Variants in CYP46A1 observed in about 807,000 individuals in gnomAD.
CYP46A1 encodes cytochrome P450 family 46 subfamily A member 1.
In CYP46A1, 20 loss-of-function variants were observed where a neutral mutation model predicts 63.3. The ratio of observed to expected loss-of-function variants is 0.32; its 90% confidence interval spans 0.22 to 0.46. The LOEUF (loss-of-function observed/expected upper bound fraction) is 0.46, where lower values mean the gene tolerates loss of function less well. Ranked by LOEUF, CYP46A1 falls within the 20% of genes least tolerant of loss-of-function variation. The pLI, the probability that CYP46A1 is intolerant of heterozygous loss-of-function variation, is 1.00. For missense variants in CYP46A1, 445 were observed against 670.8 expected, an observed-to-expected ratio of 0.66 and a Z score of 3.72; for synonymous variants, 268 against 273.6, an observed-to-expected ratio of 0.98 and a Z score of 0.20.
chr14:99,717,802 C>G (rs889314307), intron 9 of CYP46A1: 16 of 452,674 alleles, frequency 3.5e-5, no homozygotes, highest in Non-Finnish European at 5.9e-5. Context: ...GTGTCCCCCC[C>G]ACTCTCCCTG....
rs1555384079 is a variant in CYP46A1, at chr14:99,722,678, T to TGC, written c.1176+613_1176+614dup. On this transcript the variant is annotated intron_variant, in intron 12 of 14. Coordinates refer to ENST00000261835, the MANE Select transcript of CYP46A1 (RefSeq NM_006668.2). The surrounding 1 kb of genome is among the most constrained non-coding windows in gnomAD (Gnocchi z 4.6). ...GTGTGTGTGTGTGTGTGTGTGTGTG[T>TGC]GCCTGTGTGCATTCACGCAGTAATA... Among the ~76,000 whole-genome samples the TGC allele has an allele frequency of 1.1e-4, 16 of 150,026 alleles. No homozygotes were observed. The highest frequency in any genetic ancestry group is 3.7e-4 in the African/African-American group (15 of 40,020).
rs1331594474 is a variant in CYP46A1, at chr14:99,707,605, C to T, written c.620C>T (p.Ala207Val). ...ATGGAGACCAGTATGCTGCTGGGTG[C>T]CCAGAAGCCTCTGTCCCAGGCAGTG... ...FGMETSMLLG[A>V]QKPLSQAVKL... The change falls in exon 7 of 15, where the codon GCC becomes GTC. Residue 207 changes from alanine (A) to valine (V), a missense_variant. This residue lies in a region of CYP46A1 where 252 missense variants were observed against 383.3 expected (regional missense o/e 0.66). Coordinates refer to ENST00000261835, the MANE Select transcript of CYP46A1 (RefSeq NM_006668.2). 9 of 1,614,112 alleles carry T rather than the reference C, an allele frequency of 5.6e-6. No homozygotes were observed. In the South Asian group the frequency reaches 8.8e-5, roughly 16 times the overall value.
rs766241155 is a variant in CYP46A1, at chr14:99,691,164, G to A, written c.200+3G>A. On this transcript the variant is annotated splice_donor_region_variant and intron_variant, in intron 2 of 14. Transcript: ENST00000261835. ...CTCCAAGATGTGTTTTTGGATTGGT[G>A]GGTTCTCATTTGTCACTTGTTGCCC... 1.9e-6 allele frequency: 3 copies of A among 1,614,006 alleles called. No individual in the cohort carries two copies. Among genetic ancestry groups the A allele is most frequent in the African/African-American group, 2.7e-5 (2 of 74,894 alleles).
chr14:99,704,040 A>G (rs1464832050), intron 5 of CYP46A1, among the ~76,000 whole-genome samples: 1 of 152,218 alleles, frequency 6.6e-6, no homozygotes, highest in Non-Finnish European at 1.5e-5. Flanking sequence ...CATGATCATG[A>G]CATAACCATG....
Position 99,726,717 on chromosome 14 carries a change from C to T in CYP46A1, c.1493C>T (p.Pro498Leu), listed in dbSNP as rs753616111. 6.5e-7 allele frequency: 1 copy of T among 1,530,166 alleles called. No homozygotes were observed. The highest frequency in any genetic ancestry group is 8.8e-7 in the Non-Finnish European group (1 of 1,137,104). The allele number at this position is 1,530,166 out of a possible 1,614,324, so 94.8% of individuals were successfully genotyped here. ...GGCTGGCAGCCCGCACCCCCACCAC[C>T]CCCCTGCTGAGGGGGCCTCCAGGCA... is the stretch of plus-strand genomic sequence containing the variant. Reference protein sequence around the residue: ...PRGWQPAPPPPPC With the variant: ...PRGWQPAPPPLPC The change falls in exon 15 of 15, where the codon CCC becomes CTC. Residue 498 changes from proline (P) to leucine (L), a missense_variant. Physicochemically the swap from Pro to Leu is moderately conservative, Grantham distance 98. This residue lies in a region of CYP46A1 where 85 missense variants were observed against 80.1 expected (regional missense o/e 1.06). Transcript: ENST00000261835.
intron 1 of CYP46A1, among the ~76,000 whole-genome samples, chr14:99,686,304 C>G (rs1329525877): frequency 2.6e-5 from 4 of 152,166 alleles, no homozygotes; most frequent in Non-Finnish European, 2.9e-5. Flanking sequence ...CTGTTCTGGT[C>G]TCTGTGTCTT....
intron 7 of CYP46A1, chr14:99,711,687 T>G (rs1382009077): frequency 6.6e-6 from 1 of 152,116 alleles, no homozygotes; most frequent in African/African-American, 2.4e-5. Context: ...TACTGCTGAA[T>G]TCTCCCAAAC....
Position 99,705,444 on chromosome 14 carries a change from G to A in CYP46A1, c.444-1203G>A, listed in dbSNP as rs114810952. Among the ~76,000 whole-genome samples the A allele has an allele frequency of 9.2e-3, 1,399 of 152,204 alleles. 20 individuals are homozygous for A. Among genetic ancestry groups the A allele is most frequent in the African/African-American group, 0.032 (1,319 of 41,512 alleles). Reference sequence around the variant, plus strand: ...CCAGGCTGGTCTGGAACTCATGGCCGCAAGCAATCCTCCTGCTCTCGCCTT... The same window carrying A: ...CCAGGCTGGTCTGGAACTCATGGCCACAAGCAATCCTCCTGCTCTCGCCTT... On this transcript the variant is annotated intron_variant, in intron 5 of 14. Transcript: ENST00000261835.
chr14:99,721,190 G>C (rs777364534), intron 10 of CYP46A1, 49 bp from the exon 11 acceptor site: 3 of 1,413,804 alleles, frequency 2.1e-6, no homozygotes, highest in African/African-American at 2.8e-5. Context: ...TAAGTAAGTC[G>C]GGGACAGGCT....
At position 99,712,496 on chromosome 14, in the gene CYP46A1, C is replaced by T. The variant is rs2056743424; in HGVS notation, c.694-3314C>T. ...CAAAAATCAGTAGCAATTCTATACA[C>T]CAATAATGAACTCATGGAAGAAGAA... On this transcript the variant is annotated intron_variant, in intron 7 of 14. Coordinates refer to ENST00000261835, the MANE Select transcript of CYP46A1 (RefSeq NM_006668.2). 5.3e-5 allele frequency: 8 copies of T among 152,064 alleles called. No individual in the cohort carries two copies. In the South Asian group the frequency reaches 1.7e-3, roughly 32 times the overall value. The allele number at this position is 152,064 out of a possible 1,614,324, so 9.4% of individuals were successfully genotyped here.
At chr14:99,721,824 G>A in intron 11 of CYP46A1, 132 bp from the exon 12 acceptor site, 1 of 636,390 alleles carries the variant, frequency 1.6e-6, no homozygotes, top group Non-Finnish European at 2.8e-6. Flanking sequence ...AGGGGCCTGG[G>A]ACCCAGGCCA....
chr14:99,696,498 A>G (rs919123042), intron 3 of CYP46A1, among the ~76,000 whole-genome samples: 1 of 152,208 alleles, frequency 6.6e-6, no homozygotes, highest in Non-Finnish European at 1.5e-5. Flanking sequence ...ATATAAATAT[A>G]TCTTCAAATA....
chr14:99,691,905 C>G (rs748262266), intron 3 of CYP46A1, 44 bp downstream of exon 3: 4 of 1,589,418 alleles, frequency 2.5e-6, no homozygotes, highest in Non-Finnish European at 2.6e-6. Flanking sequence ...CCTGCCTTTC[C>G]TTGGGTTGGG....
intron 13 of CYP46A1, 23 bp from the exon 14 acceptor site, chr14:99,726,167 G>A (rs201383994): frequency 3.4e-5 from 55 of 1,610,582 alleles, no homozygotes; most frequent in South Asian, 1.5e-4. Context: ...TGCTGGCCTC[G>A]TGATTCCTCT....
Position 99,725,518 on chromosome 14 carries a change from G to A in CYP46A1, c.1265+39G>A, listed in dbSNP as rs748760682. 127 of 1,509,446 alleles carry A rather than the reference G, an allele frequency of 8.4e-5. No individual in the cohort carries two copies. The East Asian group carries it at 1.3e-3, about 16-fold the overall frequency. 93.5% of individuals were successfully genotyped at this position (1,509,446 alleles called of 1,614,324 possible). A position where few individuals can be genotyped will look rare whatever the true frequency, so the allele number is the denominator to read the frequency against. ...GGAGCTGCCCATGAGTGGGGCTGGC[G>A]GGAGAAGGACAGACACAGCGGCCTC... On this transcript the variant is annotated intron_variant, in intron 13 of 14. Transcript: ENST00000261835. The surrounding 1 kb of genome is among the most constrained non-coding windows in gnomAD (Gnocchi z 4.2).
chr14:99,712,216 A>G (rs960328830), intron 7 of CYP46A1: 5 of 152,226 alleles, frequency 3.3e-5, no homozygotes, highest in Admixed American at 1.3e-4. Flanking sequence ...CTTTCCTTTA[A>G]GAACTGGAAC....
At position 99,722,644 on chromosome 14, in the gene CYP46A1, CGTGTGTGT is replaced by C. The variant is rs10600179; in HGVS notation, c.1176+606_1176+613del. On this transcript the variant is annotated intron_variant, in intron 12 of 14. Transcript: ENST00000261835. This position sits in a 1 kb window ranked among gnomAD's most constrained non-coding sequence, Gnocchi z 4.6. ...ATCTGAATTGTGTGTTTGCCATTCC[CGTGTGTGT>C]GTGTGTGTGTGTGTGTGTGTGTGTG... Among the ~76,000 whole-genome samples, 796 of 142,256 alleles carry C rather than the reference CGTGTGTGT, an allele frequency of 5.6e-3. 14 individuals carry two copies. The highest frequency in any genetic ancestry group is 0.051 in the Middle Eastern group (14 of 272). The allele number at this position is 142,256 out of a possible 152,430, so 93.3% of individuals were successfully genotyped here.
intron 3 of CYP46A1, among the ~76,000 whole-genome samples, chr14:99,697,081 C>T (rs1595188413): frequency 6.6e-6 from 1 of 152,208 alleles, no homozygotes; most frequent in African/African-American, 2.4e-5. Context: ...CGTGTAAGCT[C>T]TGAGAATTCT....
chr14:99,711,184 T>C (rs951450330), intron 7 of CYP46A1: 3 of 152,060 alleles, frequency 2.0e-5, no homozygotes, highest in Admixed American at 2.0e-4. Flanking sequence ...TTTATAACAG[T>C]AAACACTTAC....
Sources: gnomAD v4.1 joint callset for allele counts (sites outside exome capture counted in the v4.1 genomes callset) on GRCh38, gnomAD v4.1.1 for gene constraint, gnomAD v4.1.1 regional missense constraint, Gnocchi (gnomAD v3.1) non-coding constraint, MANE v1.5 for transcripts, NCBI Gene and HGNC (gene_info 2026-07-23, HGNC 2026-07-21) for gene names.